Variants in PTPRT observed in about 807,000 individuals in gnomAD.
The protein encoded by PTPRT is receptor-type tyrosine-protein phosphatase T.
Under a neutral mutation model 176.8 loss-of-function variants are expected in PTPRT, and 56 were observed. The observed-to-expected ratio is 0.32, with a 90% CI of 0.26 to 0.40. PTPRT has a LOEUF of 0.40. Ranked by LOEUF, PTPRT falls within the 10% of genes least tolerant of loss-of-function variation. The probability of loss-of-function intolerance (pLI) is 1.00; values close to 1 mark genes in which losing one functional copy is unlikely to be tolerated. For missense variants in PTPRT, 1,540 were observed against 1,908.2 expected (o/e 0.81, Z 3.60); for synonymous variants, 783 against 739.0 (o/e 1.06, Z -0.96).
At chr20:42,850,421 C>T (rs2078448014) in intron 2 of PTPRT, among the ~76,000 whole-genome samples, 2 of 152,192 alleles carry the variant, frequency 1.3e-5, no homozygotes, top group South Asian at 4.1e-4. Context: ...TCAGGCCCAA[C>T]CTGAAAAGGC....
At chr20:42,740,209 A>T (rs1460479369) in intron 6 of PTPRT, among the ~76,000 whole-genome samples, 1 of 152,148 alleles carries the variant, frequency 6.6e-6, no homozygotes, top group African/African-American at 2.4e-5. Flanking sequence ...TCCCATCAGC[A>T]TGTAGGATAA....
intron 1 of PTPRT, among the ~76,000 whole-genome samples, chr20:43,111,481 T>C (rs1219056163): frequency 1.4e-5 from 2 of 146,956 alleles, no homozygotes; most frequent in Non-Finnish European, 3.0e-5. Flanking sequence ...GAGGTGGAGG[T>C]TGCAGTGAGC....
intron 27 of PTPRT, among the ~76,000 whole-genome samples, chr20:42,092,746 T>G (rs1984758010): frequency 6.6e-6 from 1 of 152,218 alleles, no homozygotes; most frequent in Non-Finnish European, 1.5e-5. Flanking sequence ...CTATTTGCCC[T>G]AGAGGCACAA....
chr20:42,276,418 G>C (rs578112693), intron 13 of PTPRT, among the ~76,000 whole-genome samples: 108 of 145,598 alleles, frequency 7.4e-4, no homozygotes, highest in African/African-American at 2.5e-3. Flanking sequence ...AGAGAACTGA[G>C]AGAGAGGATC....
chr20:42,167,562 C>T (rs146604159), intron 16 of PTPRT, among the ~76,000 whole-genome samples: 1 of 152,202 alleles, frequency 6.6e-6, no homozygotes, highest in Non-Finnish European at 1.5e-5. Flanking sequence ...CATCCTAGCT[C>T]CATGTGCTCT....
At chr20:42,876,216 A>G (rs1183559565) in intron 2 of PTPRT, among the ~76,000 whole-genome samples, 1 of 152,246 alleles carries the variant, frequency 6.6e-6, no homozygotes, top group African/African-American at 2.4e-5. Context: ...AAAGAAAAAA[A>G]TGTACTGACT....
At chr20:42,265,428 TTAA>T (rs1231519377) in intron 13 of PTPRT, among the ~76,000 whole-genome samples, 1 of 152,116 alleles carries the variant, frequency 6.6e-6, no homozygotes, top group African/African-American at 2.4e-5. Flanking sequence ...TTTAAATGAG[TTAA>T]TGATGTGAAA....
At chr20:42,951,766 C>T (rs1420366221) in intron 1 of PTPRT, among the ~76,000 whole-genome samples, 1 of 152,094 alleles carries the variant, frequency 6.6e-6, no homozygotes, top group Non-Finnish European at 1.5e-5. Flanking sequence ...TATCAGCAGG[C>T]CTTGATAGCT....
At chr20:42,472,737 C>A (rs2071221047) in intron 7 of PTPRT, among the ~76,000 whole-genome samples, 175 bp from the exon 8 acceptor site, 1 of 152,174 alleles carries the variant, frequency 6.6e-6, no homozygotes, top group South Asian at 2.1e-4. Flanking sequence ...TTCTTTACAT[C>A]AATCTCCCTT....
Position 42,987,112 on chromosome 20 carries a change from AC to A in PTPRT, c.89-101181del, listed in dbSNP as rs1368261914. Among the ~76,000 whole-genome samples, 43 of 150,624 alleles carry A rather than the reference AC, an allele frequency of 2.9e-4. 1 individual carries two copies. On this transcript the variant is annotated intron_variant, in intron 1 of 30. Coordinates refer to ENST00000373187, the MANE Select transcript of PTPRT (RefSeq NM_007050.6). ...CATCTCCACCTAGACCCCCACATCC[AC>A]CCCTCCCTGCCTCCCTCTGTTGTTT...
intron 1 of PTPRT, among the ~76,000 whole-genome samples, chr20:43,094,141 G>T (rs1214552267): frequency 6.9e-6 from 1 of 145,366 alleles, no homozygotes; most frequent in Non-Finnish European, 1.5e-5. Flanking sequence ...AAGCAGGAGT[G>T]CAGTGGCGCG....
chr20:42,193,207 T>C (rs1049300942), intron 16 of PTPRT, among the ~76,000 whole-genome samples: 20 of 152,248 alleles, frequency 1.3e-4, no homozygotes, highest in Admixed American at 5.9e-4. Context: ...AATAATCATA[T>C]GGACTATACA....
intron 9 of PTPRT, among the ~76,000 whole-genome samples, chr20:42,411,517 CAAAAAAAAAAAAA>C (rs10591184): frequency 2.3e-5 from 2 of 88,342 alleles, no homozygotes; most frequent in Admixed American, 2.6e-4. Flanking sequence ...AACCCTGTCT[CAAAAAAAAAAAAA>C]AAAAAAAAAA....
chr20:42,894,381 A>T (rs1298297268), intron 1 of PTPRT, among the ~76,000 whole-genome samples: 1 of 152,194 alleles, frequency 6.6e-6, no homozygotes, highest in Non-Finnish European at 1.5e-5. Flanking sequence ...GATCTGAGAG[A>T]TAGTCAAGAT....
At chr20:42,456,173 T>A (rs1235928882) in intron 8 of PTPRT, among the ~76,000 whole-genome samples, 1 of 152,010 alleles carries the variant, frequency 6.6e-6, no homozygotes, top group Non-Finnish European at 1.5e-5. Context: ...CTATTGTACA[T>A]AATGTCTTTA....
At chr20:42,603,549 G>A (rs925267291) in intron 7 of PTPRT, among the ~76,000 whole-genome samples, 1 of 152,188 alleles carries the variant, frequency 6.6e-6, no homozygotes, top group East Asian at 1.9e-4. Context: ...GCTGGGCCTT[G>A]TGGGCCATAT....
At chr20:42,826,473 A>T (rs1311358096) in intron 2 of PTPRT, among the ~76,000 whole-genome samples, 1 of 152,218 alleles carries the variant, frequency 6.6e-6, no homozygotes, top group Non-Finnish European at 1.5e-5. Context: ...GATGATGACT[A>T]TTTGAGTTAA....
chr20:42,259,091 T>C (rs1207335488), intron 13 of PTPRT, among the ~76,000 whole-genome samples: 1 of 152,204 alleles, frequency 6.6e-6, no homozygotes. Context: ...TTTAATTGAT[T>C]GTTTGAAAGC....
intron 16 of PTPRT, among the ~76,000 whole-genome samples, chr20:42,169,703 G>A (rs1989989872): frequency 6.7e-6 from 1 of 148,842 alleles, no homozygotes; most frequent in Non-Finnish European, 1.5e-5. Flanking sequence ...TAACAGTAAG[G>A]AAAGTGATAG....
Sources: allele counts gnomAD v4.1 joint callset (sites outside exome capture counted in the v4.1 genomes callset), GRCh38; gene constraint gnomAD v4.1.1; transcripts MANE v1.5; gene names NCBI Gene and HGNC (gene_info 2026-07-23, HGNC 2026-07-21).